The following RAPGEF5 variants were observed in gnomAD, a reference collection of about 807,000 sequenced individuals.
RAPGEF5 encodes Rap guanine nucleotide exchange factor 5, also known as M-Ras-regulated GEF.
In RAPGEF5, 65 loss-of-function variants were observed where a neutral mutation model predicts 125.2. The observed-to-expected ratio is 0.52, with a 90% CI of 0.43 to 0.64. The LOEUF is 0.64. RAPGEF5 is among the 30% of genes least tolerant of loss of function. The pLI is 0.00. For synonymous variants in RAPGEF5, 391 were observed against 385.9 expected, an observed-to-expected ratio of 1.01 and a Z score of -0.16; for missense variants, 958 against 1,048.1, an observed-to-expected ratio of 0.91 and a Z score of 1.19.
chr7:22,197,893 T>TGGAG (rs1554327472), intron 9 of RAPGEF5, among the ~76,000 whole-genome samples: 1 of 116,296 alleles, frequency 8.6e-6, no homozygotes, highest in Non-Finnish European at 1.7e-5. Context: ...TCTTTTTTTT[T>TGGAG]GGGGGGGGGT....
chr7:22,158,532 G>A (rs1783884657), intron 14 of RAPGEF5, among the ~76,000 whole-genome samples: 1 of 152,036 alleles, frequency 6.6e-6, no homozygotes, highest in South Asian at 2.1e-4. Context: ...TTTGTGTACT[G>A]GGGCTAGAGA....
intron 9 of RAPGEF5, among the ~76,000 whole-genome samples, chr7:22,213,041 A>G (rs771874096): frequency 3.3e-5 from 5 of 152,252 alleles, no homozygotes; most frequent in Non-Finnish European, 2.9e-5. Flanking sequence ...GATAAATCAA[A>G]CAAACTGAGC....
At chr7:22,351,115 G>A (rs1399866810) in intron 1 of RAPGEF5, among the ~76,000 whole-genome samples, 3 of 152,132 alleles carry the variant, frequency 2.0e-5, no homozygotes, top group African/African-American at 4.8e-5. Flanking sequence ...TATGACACAT[G>A]GATGCTGTTT....
intron 7 of RAPGEF5, among the ~76,000 whole-genome samples, chr7:22,237,005 G>A (rs990518706): frequency 6.6e-6 from 1 of 152,196 alleles, no homozygotes; most frequent in Non-Finnish European, 1.5e-5. Flanking sequence ...CCCAGGTGCT[G>A]CATCTCTTCC....
rs187133340 is a variant in RAPGEF5, at chr7:22,163,011, T to A, written c.1284-470A>T. ...AAAGTAGTTCCAAATGAGTATAGAT[T>A]TCTGCAACAGAATTTGTAACATGAT... On this transcript the variant is annotated intron_variant, in intron 12 of 25. Coordinates refer to ENST00000665637, the MANE Select transcript of RAPGEF5 (RefSeq NM_012294.5). The A allele has an allele frequency of 4.6e-4, 211 of 456,632 alleles. 3 individuals are homozygous for A. The highest frequency in any genetic ancestry group is 3.7e-3 in the African/African-American group (187 of 50,198). 28.3% of individuals were successfully genotyped at this position (456,632 alleles called of 1,614,324 possible).
At chr7:22,144,628 G>A (rs16873141) in intron 20 of RAPGEF5, among the ~76,000 whole-genome samples, 3 of 152,172 alleles carry the variant, frequency 2.0e-5, no homozygotes, top group Non-Finnish European at 2.9e-5. Context: ...GAACGAGTTC[G>A]CAAAAGTTCA....
rs569989102 is a variant in RAPGEF5 at position 22,259,636 on chromosome 7, A to G, written c.796+7328T>C. 2.0e-5 allele frequency among the ~76,000 whole-genome samples: 3 copies of G among 152,338 alleles called. No homozygotes were observed. The South Asian group carries it at 6.2e-4, about 32-fold the overall frequency. ...AGTAAATGGATAAACTGGTTCATCC[A>G]GACAGTGGAATATTATGCAGCACTA... On this transcript the variant is annotated intron_variant, in intron 7 of 25. Transcript: ENST00000665637.
At position 22,291,198 on chromosome 7, in the gene RAPGEF5, T is replaced by C; in HGVS notation, c.724A>G (p.Ile242Val). The change falls in exon 6 of 26, where the codon ATT becomes GTT. Residue 242 changes from isoleucine (I) to valine (V), a missense_variant. Physicochemically the swap from Ile to Val is conservative, Grantham distance 29. Transcript: ENST00000665637. ...ACCGCAGATGTTAGACGCACAAGAA[T>C]TTCATCACTGCTTTCTTCGGAGTCT... ...IEDSEESSDE[I>V]LVRLTSAVQR... The C allele has an allele frequency of 6.3e-7, 1 of 1,587,838 alleles. No individual in the cohort carries two copies. Among genetic ancestry groups the C allele is most frequent in the Non-Finnish European group, 8.6e-7 (1 of 1,168,270 alleles).
chr7:22,178,118 C>G (rs10282106), intron 11 of RAPGEF5, among the ~76,000 whole-genome samples: 141,089 of 152,136 alleles, frequency 0.93, 65,482 homozygotes, highest in East Asian at 0.99. Flanking sequence ...AACTGACAAT[C>G]ACGTGGAAGG....
chr7:22,261,143 A>G (rs1264188683), intron 7 of RAPGEF5, among the ~76,000 whole-genome samples: 1 of 152,238 alleles, frequency 6.6e-6, no homozygotes, highest in Non-Finnish European at 1.5e-5. Context: ...TAGCTATTCC[A>G]CATTTAGTAA....
At position 22,140,017 on chromosome 7, in the gene RAPGEF5, A is replaced by C; in HGVS notation, c.2277+8T>G. The C allele has an allele frequency of 1.3e-6, 2 of 1,556,616 alleles. No individual in the cohort carries two copies. Among genetic ancestry groups the C allele is most frequent in the Non-Finnish European group, 1.7e-6 (2 of 1,148,646 alleles). On this transcript the variant is annotated splice_region_variant and intron_variant, in intron 21 of 25. Transcript: ENST00000665637. Reference sequence around the variant, plus strand: ...ATGTGCCCCTCACCATGGGACTCCAAGGCTCACCTCCCAGGTCTGCGACAG... The same window carrying C: ...ATGTGCCCCTCACCATGGGACTCCACGGCTCACCTCCCAGGTCTGCGACAG...
chr7:22,286,181 C>T (rs748415754), intron 6 of RAPGEF5, among the ~76,000 whole-genome samples: 6 of 152,166 alleles, frequency 3.9e-5, no homozygotes, highest in African/African-American at 1.2e-4. Context: ...CCACCACCAC[C>T]GGGTTAATGT....
At chr7:22,155,141 T>C (rs1981597) in intron 16 of RAPGEF5, among the ~76,000 whole-genome samples, 48,178 of 152,124 alleles carry the variant, frequency 0.32, 7,997 homozygotes, top group Middle Eastern at 0.39. Context: ...TGCCTTGGTT[T>C]TTGAGTTCAG....
At chr7:22,139,681 C>G (rs1335019907) in intron 21 of RAPGEF5, 1 of 181,808 alleles carries the variant, frequency 5.5e-6, no homozygotes, top group Non-Finnish European at 1.2e-5. Flanking sequence ...AGGGGCCCTG[C>G]AAGTGAGAGG....
At chr7:22,147,136 CT>C in intron 18 of RAPGEF5, 117 bp from the exon 19 acceptor site, 1 of 1,315,072 alleles carries the variant, frequency 7.6e-7, no homozygotes, top group African/African-American at 1.5e-5. Context: ...TCTGAGTGCA[CT>C]TAATATTTTC....
chr7:22,226,496 T>C (rs1308606673), intron 8 of RAPGEF5, among the ~76,000 whole-genome samples: 1 of 152,190 alleles, frequency 6.6e-6, no homozygotes, highest in Admixed American at 6.5e-5. Flanking sequence ...GCAACAAATA[T>C]TCATTTTCTC....
chr7:22,175,672 A>G (rs12668379), intron 11 of RAPGEF5, among the ~76,000 whole-genome samples: 49,624 of 152,102 alleles, frequency 0.33, 8,612 homozygotes, highest in Non-Finnish European at 0.39. Context: ...TGTTCTAAAC[A>G]TACAAGCTGT....
intron 5 of RAPGEF5, among the ~76,000 whole-genome samples, chr7:22,301,136 T>C (rs548326499): frequency 1.3e-5 from 2 of 152,342 alleles, no homozygotes; most frequent in Admixed American, 6.5e-5. Flanking sequence ...TTGTATTTTA[T>C]CTAGAGGTTT....
chr7:22,265,863 C>T (rs545010934), intron 7 of RAPGEF5, among the ~76,000 whole-genome samples: 2 of 152,296 alleles, frequency 1.3e-5, no homozygotes, highest in African/African-American at 4.8e-5. Context: ...TTGGCCTCCA[C>T]CTCTGCAAAT....
Sources: gnomAD v4.1 joint callset for allele counts (sites outside exome capture counted in the v4.1 genomes callset) on GRCh38, gnomAD v4.1.1 for gene constraint, MANE v1.5 for transcripts, NCBI Gene and HGNC (gene_info 2026-07-23, HGNC 2026-07-21) for gene names.